RTTN: variants seen among roughly 807,000 people sequenced by gnomAD.
The protein encoded by RTTN is rotatin.
In RTTN, 182 loss-of-function variants were observed where a neutral mutation model predicts 269.2. The observed-to-expected ratio is 0.68, with a 90% CI of 0.60 to 0.76. RTTN has a LOEUF of 0.76. RTTN is among the 30% of genes least tolerant of loss of function. RTTN has a pLI of 0.00. For missense variants in RTTN, 2,545 were observed against 2,608.6 expected (o/e 0.98, Z 0.53); for synonymous variants, 1,006 against 963.5 (o/e 1.04, Z -0.82).
intron 39 of RTTN, among the ~76,000 whole-genome samples, chr18:70,050,654 C>G (rs2144799930): frequency 6.6e-6 from 1 of 152,246 alleles, no homozygotes; most frequent in South Asian, 2.1e-4. Context: ...TTCACAATAG[C>G]AAAGACTTGG....
chr18:70,050,103 T>G (rs376471189), intron 39 of RTTN, among the ~76,000 whole-genome samples: 16 of 152,100 alleles, frequency 1.1e-4, no homozygotes, highest in African/African-American at 3.4e-4. Context: ...AGCGTCTGCA[T>G]AGCAAAACAA....
At chr18:70,082,498 C>T (rs2058595900) in intron 32 of RTTN, among the ~76,000 whole-genome samples, 1 of 152,140 alleles carries the variant, frequency 6.6e-6, no homozygotes, top group African/African-American at 2.4e-5. Flanking sequence ...GTTAAAGTTT[C>T]AGGGATACGG....
chr18:70,197,283 G>A (rs759902559), intron 6 of RTTN, among the ~76,000 whole-genome samples: 3 of 152,142 alleles, frequency 2.0e-5, no homozygotes, highest in Non-Finnish European at 2.9e-5. Flanking sequence ...AGCACTGTGC[G>A]TTAAATAAAC....
intron 14 of RTTN, among the ~76,000 whole-genome samples, chr18:70,153,475 A>G (rs1044782924): frequency 2.6e-5 from 4 of 152,178 alleles, no homozygotes; most frequent in Admixed American, 2.6e-4. Flanking sequence ...TGCTAAATGA[A>G]TGTTAGATGT....
intron 39 of RTTN, among the ~76,000 whole-genome samples, chr18:70,050,433 C>T (rs555907175): frequency 1.4e-4 from 22 of 152,202 alleles, no homozygotes; most frequent in Non-Finnish European, 2.5e-4. Flanking sequence ...CAGATGCTGG[C>T]GAGGATGTGG....
At chr18:70,087,843 C>T (rs1038627932) in intron 31 of RTTN, 146 bp downstream of exon 31, 5 of 724,020 alleles carry the variant, frequency 6.9e-6, no homozygotes, top group African/African-American at 3.5e-5. Flanking sequence ...CTTTTAAATC[C>T]TCTACTGTCA....
chr18:70,055,517 A>G (rs144026183), intron 37 of RTTN, among the ~76,000 whole-genome samples: 1,885 of 152,212 alleles, frequency 0.012, 24 homozygotes, highest in South Asian at 0.039. Flanking sequence ...CTTACTTTAT[A>G]TAAAAGTGTA....
intron 28 of RTTN, among the ~76,000 whole-genome samples, chr18:70,100,892 C>CA (rs2059143436): frequency 6.6e-6 from 1 of 152,062 alleles, no homozygotes; most frequent in Non-Finnish European, 1.5e-5. Context: ...TTGATCTGTG[C>CA]ATGTTGAACC....
At chr18:70,103,762 C>CA (rs71178846) in intron 28 of RTTN, among the ~76,000 whole-genome samples, 116,048 of 118,030 alleles carry the variant, frequency 0.98, 57,074 homozygotes, top group Middle Eastern at 0.99. Flanking sequence ...ATAAATACTT[C>CA]AAAAAAAAAA....
chr18:70,008,688 C>T (rs956498511), intron 46 of RTTN: 19 of 147,856 alleles, frequency 1.3e-4, no homozygotes, highest in African/African-American at 3.5e-4. Context: ...CGAAATAAAG[C>T]GTGAAGACAA....
chr18:70,200,425 T>C (rs2061918644), intron 4 of RTTN, among the ~76,000 whole-genome samples: 1 of 152,160 alleles, frequency 6.6e-6, no homozygotes, highest in Non-Finnish European at 1.5e-5. Context: ...AATGTTTTCA[T>C]CGGCTTCATT....
At chr18:70,092,364 G>T in intron 29 of RTTN, 144 bp from the exon 30 acceptor site, 1 of 649,284 alleles carries the variant, frequency 1.5e-6, no homozygotes, top group Non-Finnish European at 2.5e-6. Context: ...GCCAAAAAAG[G>T]CAAACAAAAA....
At position 70,065,857 on chromosome 18, in the gene RTTN, T is replaced by C; in HGVS notation, c.4719A>G (p.Glu1573=). The C allele has an allele frequency of 1.2e-6, 2 of 1,601,380 alleles. No individual in the cohort carries two copies. Among genetic ancestry groups the C allele is most frequent in the Non-Finnish European group, 1.7e-6 (2 of 1,172,828 alleles). ...PLVQSTTLLP[E]ASHDQFVAQG... Reference sequence around the variant, plus strand: ...GAGCCACAAACTGGTCATGGGAGGCTTCAGGTAGAAGTGTTGTTGACTGCA... The same window carrying C: ...GAGCCACAAACTGGTCATGGGAGGCCTCAGGTAGAAGTGTTGTTGACTGCA... The change falls in exon 35 of 49, where the codon GAA becomes GAG. Residue 1573 remains glutamate (E), a synonymous_variant. Transcript: ENST00000640769.
Position 70,135,199 on chromosome 18 carries a change from G to A in RTTN, c.2870C>T (p.Ser957Leu), listed in dbSNP as rs767838772. ...LFCLLLFDEV[S>L]RMDMWSVNPS... ...TATATCTCACCACATATCCATTCTC[G>A]ATACTTCATCAAATAATAGAAGACA... Residue 957 changes from serine (S) to leucine (L), a missense_variant, in exon 22 of 49, where the codon TCG becomes TTG. Transcript: ENST00000640769. 1.0e-5 allele frequency: 16 copies of A among 1,530,532 alleles called. No homozygotes were observed. Among genetic ancestry groups the A allele is most frequent in the East Asian group, 4.9e-5 (2 of 41,090 alleles). 94.8% of individuals were successfully genotyped at this position (1,530,532 alleles called of 1,614,324 possible).
At chr18:70,145,807 C>T (rs935427717) in intron 17 of RTTN, 24 bp from the exon 18 acceptor site, 3 of 1,566,490 alleles carry the variant, frequency 1.9e-6, no homozygotes, top group Non-Finnish European at 2.6e-6. Flanking sequence ...GTACTTAAGT[C>T]GAACTTTCGT....
At chr18:70,114,700 T>C in intron 26 of RTTN, 101 bp from the exon 27 acceptor site, 1 of 930,472 alleles carries the variant, frequency 1.1e-6, no homozygotes, top group South Asian at 1.9e-5. Context: ...AGAGCTATAT[T>C]ACCTAACTAG....
intron 36 of RTTN, among the ~76,000 whole-genome samples, chr18:70,058,884 G>A (rs2057896860): frequency 6.6e-6 from 1 of 152,192 alleles, no homozygotes; most frequent in African/African-American, 2.4e-5. Flanking sequence ...ACAATTGAAT[G>A]AGGTGAAACA....
intron 39 of RTTN, among the ~76,000 whole-genome samples, chr18:70,050,269 G>A (rs994536540): frequency 9.2e-5 from 14 of 152,098 alleles, no homozygotes; most frequent in Admixed American, 1.3e-4. Flanking sequence ...CGAAGGATAC[G>A]AACAGACACT....
At chr18:70,006,281 G>T in intron 47 of RTTN, 100 bp downstream of exon 47, 5 of 758,394 alleles carry the variant, frequency 6.6e-6, no homozygotes, top group African/African-American at 5.3e-5. Context: ...TTTTTCTTTT[G>T]CTGTAACTCT....
Sources: gnomAD v4.1 joint callset for allele counts (sites outside exome capture counted in the v4.1 genomes callset) on GRCh38, gnomAD v4.1.1 for gene constraint, MANE v1.5 for transcripts, NCBI Gene and HGNC (gene_info 2026-07-23, HGNC 2026-07-21) for gene names.